Variants in TMEM209 observed in about 807,000 individuals in gnomAD.
The protein encoded by TMEM209 is testicular tissue protein Li 202.
Under a neutral mutation model 76.2 loss-of-function variants are expected in TMEM209, and 65 were observed. The ratio of observed to expected loss-of-function variants is 0.85; its 90% CI spans 0.70 to 1.05. The LOEUF is 1.05. Ranked by LOEUF, TMEM209 falls within the 50% of genes least tolerant of loss-of-function variation. The pLI, the probability that TMEM209 is intolerant of heterozygous loss-of-function variation, is 0.00. For missense variants in TMEM209, 623 were observed against 685.5 expected (o/e 0.91, Z 1.02); for synonymous variants, 239 against 237.6 (o/e 1.01, Z -0.06).
chr7:130,181,392 T>C (rs1396455407), intron 9 of TMEM209, among the ~76,000 whole-genome samples: 1 of 152,248 alleles, frequency 6.6e-6, no homozygotes, highest in Non-Finnish European at 1.5e-5. Flanking sequence ...ACTATGGTGA[T>C]GGTTGCATAA....
chr7:130,203,787 C>G lies in TMEM209; in HGVS notation c.199+1G>C. On this transcript the variant is annotated splice_donor_variant, in intron 3 of 14. Transcript: ENST00000397622. LOFTEE classifies it high-confidence loss of function. ...AGTTACAGTGAAAATTACTTACTTA[C>G]CAATATACCAGAGGGGCCAGTATGT... 1 of 1,599,588 alleles carries G rather than the reference C, an allele frequency of 6.3e-7. No homozygotes were observed.
intron 10 of TMEM209, among the ~76,000 whole-genome samples, chr7:130,175,899 AAAACTATTATTTTT>A (rs914065266): frequency 6.6e-6 from 1 of 152,138 alleles, no homozygotes; most frequent in East Asian, 1.9e-4. Flanking sequence ...TAAATATCAG[AAAACTATTATTTTT>A]TAAAGGTATA....
chr7:130,179,773 C>T (rs920496198), intron 9 of TMEM209, among the ~76,000 whole-genome samples: 4 of 152,052 alleles, frequency 2.6e-5, no homozygotes, highest in African/African-American at 7.2e-5. Context: ...CTCAGGAGTA[C>T]AAGACCAACC....
chr7:130,190,472 C>T (rs1430333638), intron 6 of TMEM209, among the ~76,000 whole-genome samples: 1 of 150,544 alleles, frequency 6.6e-6, no homozygotes, highest in Non-Finnish European at 1.5e-5. Flanking sequence ...AAGCCGAGAT[C>T]GCACCACTGC....
intron 1 of TMEM209, 150 bp from the exon 2 acceptor site, chr7:130,204,260 T>C: frequency 2.1e-6 from 2 of 965,200 alleles, no homozygotes; most frequent in Non-Finnish European, 2.9e-6. Flanking sequence ...TCCATTTTAA[T>C]ATCAGTATAT....
intron 14 of TMEM209, among the ~76,000 whole-genome samples, chr7:130,167,110 T>G (rs955170788): frequency 6.6e-6 from 1 of 151,974 alleles, no homozygotes; most frequent in African/African-American, 2.4e-5. Context: ...AACTGAAGAA[T>G]CAAGAGAGCT....
chr7:130,171,738 G>C (rs928799948), intron 13 of TMEM209, among the ~76,000 whole-genome samples: 3 of 152,124 alleles, frequency 2.0e-5, no homozygotes, highest in East Asian at 1.9e-4. Flanking sequence ...TTGTAATTAA[G>C]AGTAAAAAAC....
rs925032371 is a variant in TMEM209 at position 130,204,962 on chromosome 7, C to T, written c.3+411G>A. 11 of 1,098,406 alleles carry T rather than the reference C, an allele frequency of 1.0e-5. No individual in the cohort carries two copies. The Admixed American group carries it at 2.5e-4, about 25-fold the overall frequency. 68.0% of individuals were successfully genotyped at this position (1,098,406 alleles called of 1,614,324 possible). On this transcript the variant is annotated intron_variant, in intron 1 of 14. Transcript: ENST00000397622. ...CAAGGATCCAAGTTTTAGAAGGGCA[C>T]GTACTTATGATGGGGTGGTGAGCGG... is the stretch of plus-strand genomic sequence containing the variant.
chr7:130,191,569 A>C (rs111471631), intron 6 of TMEM209, among the ~76,000 whole-genome samples: 1,616 of 152,254 alleles, frequency 0.011, 34 homozygotes, highest in African/African-American at 0.037. Context: ...CAAACAAACA[A>C]ACACAAAATT....
chr7:130,201,740 G>A, intron 5 of TMEM209, 110 bp downstream of exon 5: 1 of 1,371,552 alleles, frequency 7.3e-7, no homozygotes, highest in Non-Finnish European at 9.9e-7. Context: ...GGTGTTCTGG[G>A]CAAATCAACT....
At chr7:130,176,246 G>GGGACTAC (rs1257737192) in intron 10 of TMEM209, among the ~76,000 whole-genome samples, 1 of 151,614 alleles carries the variant, frequency 6.6e-6, no homozygotes, top group Non-Finnish European at 1.5e-5. Context: ...CTGAGTAGCT[G>GGGACTAC]GGACTACAGG....
chr7:130,194,680 TA>T (rs1797911900), intron 5 of TMEM209, among the ~76,000 whole-genome samples: 1 of 152,228 alleles, frequency 6.6e-6, no homozygotes, highest in Non-Finnish European at 1.5e-5. Flanking sequence ...GAAAGCATAT[TA>T]ACATTTACTT....
At position 130,175,565 on chromosome 7, in the gene TMEM209, C is replaced by T. The variant is rs774028320; in HGVS notation, c.1291G>A (p.Gly431Ser). 1.2e-6 allele frequency: 2 copies of T among 1,613,370 alleles called. No individual in the cohort carries two copies. The highest frequency in any genetic ancestry group is 1.7e-5 in the Admixed American group (1 of 59,968). ...CACTTTCGTCCTTTGAAGTCGCCAC[C>T]TCTGTTCCATCGAAATGAGCTCATA... ...GCMSSFRWNR[G>S]GDFKGRKWDT... The change falls in exon 11 of 15, where the codon GGT becomes AGT. Residue 431 changes from glycine (G) to serine (S), a missense_variant. Coordinates refer to ENST00000397622, the MANE Select transcript of TMEM209 (RefSeq NM_032842.4).
rs767434615 is a variant in TMEM209, at chr7:130,166,461, A to G, written c.1676T>C (p.Phe559Ser). ...TAAATATATGACTTGCTACTCGCCAAAGATCCACAATATATTCACACCAGA... is the reference window on the plus strand; with the variant it reads ...TAAATATATGACTTGCTACTCGCCAGAGATCCACAATATATTCACACCAGA... ...GLSGVNILWI[F>S]GE is the part of the protein sequence containing the mutation. The change falls in exon 15 of 15, where the codon TTT becomes TCT. Residue 559 changes from phenylalanine (F) to serine (S), a missense_variant. Coordinates refer to ENST00000397622, the MANE Select transcript of TMEM209 (RefSeq NM_032842.4). The G allele has an allele frequency of 6.5e-6, 10 of 1,546,040 alleles. No individual in the cohort carries two copies. The highest frequency in any genetic ancestry group is 7.9e-6 in the Non-Finnish European group (9 of 1,145,124).
intron 14 of TMEM209, among the ~76,000 whole-genome samples, chr7:130,167,779 A>G (rs767510396): frequency 6.6e-6 from 1 of 152,136 alleles, no homozygotes; most frequent in African/African-American, 2.4e-5. Context: ...ATTTGGATCA[A>G]TCTGTGGGTT....
At position 130,185,328 on chromosome 7, in the gene TMEM209, A is replaced by G. The variant is rs373339996; in HGVS notation, c.815T>C (p.Phe272Ser). The stretch of plus-strand genomic sequence containing the variant: ...CCCCATAGAACGACTATAGTTCCAG[A>G]AAGTAGGACTGCTGGAAGGAGAGGT... ...DSTSPSSSPTFWNYSRSMGDY... is the reference protein window; with the variant it reads ...DSTSPSSSPTSWNYSRSMGDY... The change falls in exon 7 of 15, where the codon TTC (phenylalanine) becomes TCC (serine). Residue 272 changes from phenylalanine (F) to serine (S), a missense_variant. Transcript: ENST00000397622. 48 of 1,613,810 alleles carry G rather than the reference A, an allele frequency of 3.0e-5. No individual in the cohort carries two copies. In the African/African-American group the frequency reaches 5.2e-4, roughly 18 times the overall value.
chr7:130,184,354 G>T, intron 7 of TMEM209, 99 bp from the exon 8 acceptor site: 2 of 902,512 alleles, frequency 2.2e-6, no homozygotes, highest in South Asian at 1.8e-5. Flanking sequence ...AATGAACTTT[G>T]AAAAAAAATT....
chr7:130,168,382 AT>A (rs1395037809), intron 14 of TMEM209, among the ~76,000 whole-genome samples: 1 of 152,186 alleles, frequency 6.6e-6, no homozygotes, highest in Non-Finnish European at 1.5e-5. Context: ...CTCAGTAATT[AT>A]TGCAAATATT....
chr7:130,196,251 C>A (rs1283581417), intron 5 of TMEM209, among the ~76,000 whole-genome samples: 1 of 151,494 alleles, frequency 6.6e-6, no homozygotes, highest in Non-Finnish European at 1.5e-5. Flanking sequence ...CTACAGTCTT[C>A]TGGGGATGTA....
Sources: gnomAD v4.1 joint callset for allele counts (sites outside exome capture counted in the v4.1 genomes callset) on GRCh38, gnomAD v4.1.1 for gene constraint, MANE v1.5 for transcripts, NCBI Gene and HGNC (gene_info 2026-07-23, HGNC 2026-07-21) for gene names.